The following ZNF33A variants were observed in gnomAD, a reference collection of about 807,000 sequenced individuals.
ZNF33A encodes the protein brain my041 protein.
A neutral mutation model predicts 15.9 loss-of-function variants in ZNF33A; 9 were observed. That is an observed-to-expected ratio of 0.57 (90% CI 0.34 to 0.99). ZNF33A has a LOEUF of 0.99. Among genes scored for constraint, ZNF33A ranks in the 50% least tolerant of loss-of-function variants. The pLI, the probability that ZNF33A is intolerant of heterozygous loss-of-function variation, is 0.02. For missense variants in ZNF33A, 843 were observed against 941.6 expected, an observed-to-expected ratio of 0.90 and a Z score of 1.37; for synonymous variants, 294 against 324.2, an observed-to-expected ratio of 0.91 and a Z score of 1.00.
chr10:38,025,209 A>G (rs1476707830), intron 4 of ZNF33A, among the ~76,000 whole-genome samples: 2 of 152,208 alleles, frequency 1.3e-5, no homozygotes, highest in African/African-American at 4.8e-5. Context: ...GTATATATTA[A>G]TAGCTATAAT....
rs577416013 is a variant in ZNF33A, at chr10:38,010,775, G to A, written c.-53G>A. 5.3e-4 allele frequency: 843 copies of A among 1,598,484 alleles called. 18 individuals are homozygous for A. The South Asian group carries it at 8.9e-3, about 17-fold the overall frequency. On this transcript the variant is annotated 5_prime_UTR_variant, in exon 1 of 5. Transcript: ENST00000432900. ...TTCTATGGCGAATGCAACCCGACGA[G>A]GGAGTGGGGTAAGCCCCAGTGGGTT... is the stretch of plus-strand genomic sequence containing the variant.
At chr10:38,040,656 TTC>T (rs2065659089) in intron 4 of ZNF33A, among the ~76,000 whole-genome samples, 1 of 152,212 alleles carries the variant, frequency 6.6e-6, no homozygotes, top group East Asian at 1.9e-4. Context: ...ATATATCTTT[TTC>T]TGTCTTCAAA....
intron 2 of ZNF33A, among the ~76,000 whole-genome samples, chr10:38,016,359 C>T (rs138293189): frequency 0.011 from 1,663 of 152,244 alleles, 36 homozygotes; most frequent in African/African-American, 0.038. Flanking sequence ...TTTCTCAAGA[C>T]AGCACCAGGC....
chr10:38,024,226 G>T (rs1305810111), intron 4 of ZNF33A, among the ~76,000 whole-genome samples: 1 of 141,582 alleles, frequency 7.1e-6, no homozygotes, highest in Non-Finnish European at 1.5e-5. Context: ...TTTCCAAAAA[G>T]TTTCAGGATC....
At chr10:38,047,190 C>CAAAAAAAA (rs61278605) in intron 4 of ZNF33A, among the ~76,000 whole-genome samples, 10 of 64,046 alleles carry the variant, frequency 1.6e-4, no homozygotes, top group Non-Finnish European at 2.1e-4. Flanking sequence ...CCACCCCTGC[C>CAAAAAAAA]AAAAAAAAAA....
intron 4 of ZNF33A, among the ~76,000 whole-genome samples, chr10:38,047,172 G>A (rs1355525672): frequency 4.0e-5 from 4 of 100,666 alleles, no homozygotes; most frequent in South Asian, 3.4e-4. Flanking sequence ...GAGTGAGACC[G>A]TCTCCCCCCA....
In ZNF33A at chr10:38,054,477, A is replaced by T; in HGVS notation, c.353A>T (p.Gln118Leu). 1 of 1,611,686 alleles carries T rather than the reference A, an allele frequency of 6.2e-7. No homozygotes were observed. The change falls in exon 5 of 5, where the codon CAA becomes CTA. Residue 118 changes from glutamine to leucine, a missense_variant. Coordinates refer to ENST00000432900, the MANE Select transcript of ZNF33A (RefSeq NM_006954.2). ...FINNEMLTKE[Q>L]GDVIGIPFNV... ...AATAATGAAATGCTGACTAAGGAAC[A>T]AGGTGATGTAATAGGAATACCATTT...
At position 38,057,811 on chromosome 10, in the gene ZNF33A, A is replaced by G; in HGVS notation, c.*1251A>G. On this transcript the variant is annotated 3_prime_UTR_variant, in exon 5 of 5. Transcript: ENST00000432900. Reference sequence around the variant, plus strand: ...TTTCTTTAAGCAGCTGCTCTCCAAGACAGGGCCCTGGAAAGGCCCACACAT... The same window carrying G: ...TTTCTTTAAGCAGCTGCTCTCCAAGGCAGGGCCCTGGAAAGGCCCACACAT... 1 of 985,448 alleles carries G rather than the reference A, an allele frequency of 1.0e-6. No individual in the cohort carries two copies. Among genetic ancestry groups the G allele is most frequent in the Non-Finnish European group, 1.2e-6 (1 of 830,006 alleles). 61.0% of individuals were successfully genotyped at this position (985,448 alleles called of 1,614,324 possible).
intron 4 of ZNF33A, among the ~76,000 whole-genome samples, chr10:38,046,402 G>A (rs1170557101): frequency 6.6e-6 from 1 of 152,194 alleles, no homozygotes; most frequent in Non-Finnish European, 1.5e-5. Flanking sequence ...GTATTGGGTA[G>A]AGTGTTCAGA....
In ZNF33A at chr10:38,054,937, G is replaced by A. The variant is rs748554900; in HGVS notation, c.813G>A (p.Arg271=). 6.2e-7 allele frequency: 1 copy of A among 1,613,924 alleles called. No homozygotes were observed. The highest frequency in any genetic ancestry group is 1.1e-5 in the South Asian group (1 of 91,082). Residue 271 remains arginine (R), a synonymous_variant, in exon 5 of 5, where the codon AGG becomes AGA. Transcript: ENST00000432900. ...TGTTCCATCAGATATCTCCGTCAAGGGACAATCACTATGAATTTAGTGATT... is the reference window on the plus strand; with the variant it reads ...TGTTCCATCAGATATCTCCGTCAAGAGACAATCACTATGAATTTAGTGATT... ...SLLFHQISPS[R]DNHYEFSDCE...
chr10:38,066,472 T>G (rs2066710454), downstream of ZNF33A, among the ~76,000 whole-genome samples: 1 of 151,856 alleles, frequency 6.6e-6, no homozygotes, highest in Admixed American at 6.6e-5. Flanking sequence ...CAGGCCGGTC[T>G]TGAATTCCTG....
At chr10:38,030,817 AAG>A (rs2065181286) in intron 4 of ZNF33A, among the ~76,000 whole-genome samples, 1 of 152,200 alleles carries the variant, frequency 6.6e-6, no homozygotes, top group African/African-American at 2.4e-5. Flanking sequence ...AATGTAGGGT[AAG>A]AGGGGAGATG....
At chr10:38,060,603 C>T (rs1474042259), downstream of ZNF33A, among the ~76,000 whole-genome samples, 3 of 152,128 alleles carry the variant, frequency 2.0e-5, no homozygotes, top group East Asian at 1.9e-4. Context: ...CAGTGTCAGG[C>T]GTTCAGTGTT....
At chr10:38,067,398 A>G (rs549370745), downstream of ZNF33A, among the ~76,000 whole-genome samples, 9 of 152,322 alleles carry the variant, frequency 5.9e-5, no homozygotes, top group African/African-American at 2.2e-4. Context: ...TCTGGTTGGT[A>G]TGCCAGAGTA....
In ZNF33A at chr10:38,056,091, A is replaced by G. The variant is rs375583272; in HGVS notation, c.1967A>G (p.Gln656Arg). The G allele has an allele frequency of 1.2e-6, 2 of 1,614,036 alleles. No homozygotes were observed. The highest frequency in any genetic ancestry group is 2.7e-5 in the African/African-American group (2 of 74,942). ...FCHKSALIVH[Q>R]RTHTQEKPYK... is the part of the protein sequence containing the mutation. Reference sequence around the variant, plus strand: ...CATAAGTCAGCTCTAATTGTACATCAGAGAACCCATACACAAGAAAAGCCC... The same window carrying G: ...CATAAGTCAGCTCTAATTGTACATCGGAGAACCCATACACAAGAAAAGCCC... Residue 656 changes from glutamine (Q) to arginine (R), a missense_variant, in exon 5 of 5, where the codon CAG becomes CGG. Physicochemically the swap from Gln to Arg is conservative, Grantham distance 43. Coordinates refer to ENST00000432900, the MANE Select transcript of ZNF33A (RefSeq NM_006954.2).
At chr10:38,041,644 C>T (rs1446899261) in intron 4 of ZNF33A, among the ~76,000 whole-genome samples, 3 of 152,076 alleles carry the variant, frequency 2.0e-5, no homozygotes, top group African/African-American at 7.3e-5. Flanking sequence ...TGCCAACATG[C>T]TCAACATGCT....
At chr10:38,034,542 G>A (rs1013370943) in intron 4 of ZNF33A, among the ~76,000 whole-genome samples, 2 of 152,180 alleles carry the variant, frequency 1.3e-5, no homozygotes, top group Non-Finnish European at 1.5e-5. Flanking sequence ...CTGTCACCAT[G>A]TTTTATGACT....
chr10:38,066,583 A>G (rs2066711550), downstream of ZNF33A, among the ~76,000 whole-genome samples: 1 of 151,824 alleles, frequency 6.6e-6, no homozygotes, highest in Non-Finnish European at 1.5e-5. Flanking sequence ...ATTCCACTCA[A>G]AGTATTCCAA....
chr10:38,015,572 C>T (rs1348756491), intron 2 of ZNF33A, among the ~76,000 whole-genome samples: 6 of 152,124 alleles, frequency 3.9e-5, no homozygotes, highest in African/African-American at 7.2e-5. Flanking sequence ...CCACCCACCT[C>T]AGCCTCCCAA....
Sources: allele counts gnomAD v4.1 joint callset (sites outside exome capture counted in the v4.1 genomes callset), GRCh38; gene constraint gnomAD v4.1.1; transcripts MANE v1.5; gene names NCBI Gene and HGNC (gene_info 2026-07-23, HGNC 2026-07-21).